SLC16A12: variants seen among roughly 807,000 people sequenced by gnomAD.
SLC16A12 encodes monocarboxylate transporter 12.
In SLC16A12, 17 loss-of-function variants were observed where a neutral mutation model predicts 42.4. That is an observed-to-expected ratio of 0.40 (90% CI 0.27 to 0.60). The LOEUF (loss-of-function observed/expected upper bound fraction) is 0.60, where lower values mean the gene tolerates loss of function less well. Ranked by LOEUF, SLC16A12 falls within the 20% of genes least tolerant of loss-of-function variation. The probability of loss-of-function intolerance (pLI) is 0.42; values close to 1 mark genes in which losing one functional copy is unlikely to be tolerated. For missense variants in SLC16A12, 544 were observed against 623.0 expected (o/e 0.87, Z 1.35); for synonymous variants, 224 against 229.4 (o/e 0.98, Z 0.21).
In SLC16A12 at chr10:89,469,110, A is replaced by G. The variant is rs558132956; in HGVS notation, c.-46-6486T>C. On this transcript the variant is annotated intron_variant, in intron 2 of 7. Coordinates refer to ENST00000371790, the MANE Select transcript of SLC16A12 (RefSeq NM_213606.4). ...CGCCACTGCACCCCAGCCTAAAACT[A>G]TAAGCAAAGGAAGCATTTACCATCT... Among the ~76,000 whole-genome samples the G allele has an allele frequency of 2.0e-5, 3 of 152,250 alleles. No homozygotes were observed. The East Asian group carries it at 5.8e-4, about 29-fold the overall frequency.
intron 2 of SLC16A12, among the ~76,000 whole-genome samples, chr10:89,491,633 G>A (rs1842848950): frequency 6.6e-6 from 1 of 152,114 alleles, no homozygotes; most frequent in Non-Finnish European, 1.5e-5. Flanking sequence ...CCTGCCTGGG[G>A]GAGGAGGTAA....
At chr10:89,508,517 C>T (rs903813934) in intron 2 of SLC16A12, among the ~76,000 whole-genome samples, 3 of 152,174 alleles carry the variant, frequency 2.0e-5, no homozygotes, top group African/African-American at 7.2e-5. Flanking sequence ...TAAAGATGTT[C>T]TTTGAAACCA....
chr10:89,525,836 C>T (rs968174502), intron 2 of SLC16A12, among the ~76,000 whole-genome samples: 4 of 152,174 alleles, frequency 2.6e-5, no homozygotes, highest in Non-Finnish European at 5.9e-5. Flanking sequence ...CAAAACCTAG[C>T]AGTCACTATT....
At chr10:89,433,357 T>G (rs1487254110) in intron 7 of SLC16A12, 31 bp from the exon 8 acceptor site, 1 of 1,610,236 alleles carries the variant, frequency 6.2e-7, no homozygotes. Context: ...ATTTTATTTT[T>G]GAGTTGAAAA....
intron 2 of SLC16A12, among the ~76,000 whole-genome samples, chr10:89,542,318 T>A (rs969235649): frequency 6.6e-6 from 1 of 151,228 alleles, no homozygotes; most frequent in Admixed American, 6.6e-5. Context: ...TTTTTTTTTT[T>A]TTGAGATAGA....
chr10:89,448,536 G>T (rs141257980), intron 3 of SLC16A12, among the ~76,000 whole-genome samples: 1 of 152,080 alleles, frequency 6.6e-6, no homozygotes, highest in Non-Finnish European at 1.5e-5. Context: ...TGTAGAAAAG[G>T]CCTTTGACAA....
In SLC16A12 at chr10:89,472,091, G is replaced by A. The variant is rs1842503666; in HGVS notation, c.-46-9467C>T. ...GTGGCTTACCTATTCATTAATTAGTGGTGTATTTTGAAGAGCAGAAGCCAT... is the reference window on the plus strand; with the variant it reads ...GTGGCTTACCTATTCATTAATTAGTAGTGTATTTTGAAGAGCAGAAGCCAT... On this transcript the variant is annotated intron_variant, in intron 2 of 7. Coordinates refer to ENST00000371790, the MANE Select transcript of SLC16A12 (RefSeq NM_213606.4). Among the ~76,000 whole-genome samples, 5 of 151,982 alleles carry A rather than the reference G, an allele frequency of 3.3e-5. No homozygotes were observed. In the South Asian group the frequency reaches 1.0e-3, roughly 31 times the overall value.
At chr10:89,517,048 C>G (rs1412483118) in intron 2 of SLC16A12, among the ~76,000 whole-genome samples, 3 of 151,994 alleles carry the variant, frequency 2.0e-5, no homozygotes, top group African/African-American at 7.2e-5. Flanking sequence ...CGCAACAAGA[C>G]TCCCATCTCT....
chr10:89,542,966 G>C (rs2133885453), intron 2 of SLC16A12, among the ~76,000 whole-genome samples: 1 of 152,156 alleles, frequency 6.6e-6, no homozygotes, highest in East Asian at 1.9e-4. Flanking sequence ...TCCTACCCCT[G>C]TTCTTTCACC....
intron 2 of SLC16A12, among the ~76,000 whole-genome samples, chr10:89,511,281 G>A (rs549684373): frequency 1.3e-5 from 2 of 152,156 alleles, no homozygotes; most frequent in African/African-American, 2.4e-5. Context: ...ACATGCACAC[G>A]TATGTGTATT....
In SLC16A12 at chr10:89,482,163, C is replaced by G. The variant is rs191202836; in HGVS notation, c.-46-19539G>C. ...TAATGATTTGTGTCTTAAATCCATACTCCTCACTTAGAATAGAGTGTCAAA... is the reference window on the plus strand; with the variant it reads ...TAATGATTTGTGTCTTAAATCCATAGTCCTCACTTAGAATAGAGTGTCAAA... On this transcript the variant is annotated intron_variant, in intron 2 of 7. Transcript: ENST00000371790. Among the ~76,000 whole-genome samples the G allele has an allele frequency of 1.3e-3, 190 of 150,320 alleles. 2 individuals are homozygous for G. The highest frequency in any genetic ancestry group is 7.8e-4 in the Non-Finnish European group (53 of 67,746).
intron 2 of SLC16A12, among the ~76,000 whole-genome samples, chr10:89,518,567 A>T (rs963222066): frequency 6.6e-6 from 1 of 152,210 alleles, no homozygotes; most frequent in Non-Finnish European, 1.5e-5. Flanking sequence ...AGCCTGGATT[A>T]TTTTCGAGGT....
intron 2 of SLC16A12, among the ~76,000 whole-genome samples, chr10:89,531,960 G>A (rs769148339): frequency 1.3e-5 from 2 of 152,150 alleles, no homozygotes; most frequent in Non-Finnish European, 2.9e-5. Flanking sequence ...GAATCGGTAT[G>A]ATAGCTAGCC....
intron 2 of SLC16A12, among the ~76,000 whole-genome samples, chr10:89,522,265 C>T (rs1357173624): frequency 2.0e-5 from 3 of 152,220 alleles, no homozygotes; most frequent in African/African-American, 7.2e-5. Context: ...CTCCAACACC[C>T]TAACTCTTAT....
chr10:89,465,128 G>C (rs1202241466), intron 2 of SLC16A12, among the ~76,000 whole-genome samples: 1 of 152,170 alleles, frequency 6.6e-6, no homozygotes, highest in South Asian at 2.1e-4. Context: ...CATAGGCCAA[G>C]CTGCTAGCAA....
intron 2 of SLC16A12, 171 bp from the exon 3 acceptor site, chr10:89,462,795 TA>T (rs1395896439): frequency 1.8e-5 from 12 of 685,384 alleles, no homozygotes; most frequent in Middle Eastern, 4.2e-4. Flanking sequence ...CTTTCTTTTT[TA>T]AAAATAAAAT....
intron 2 of SLC16A12, among the ~76,000 whole-genome samples, chr10:89,552,023 CT>C (rs1432845407): frequency 6.6e-6 from 1 of 152,218 alleles, no homozygotes; most frequent in East Asian, 1.9e-4. Flanking sequence ...GCAACCTCCA[CT>C]TCCCAGGTTC....
At chr10:89,539,520 T>C (rs562106330), upstream of SLC16A12, among the ~76,000 whole-genome samples, 18 of 152,308 alleles carry the variant, frequency 1.2e-4, no homozygotes, top group Non-Finnish European at 2.1e-4. Context: ...TTAGGGTACA[T>C]CCATTATGAA....
At chr10:89,550,283 G>A (rs1843762762) in intron 2 of SLC16A12, among the ~76,000 whole-genome samples, 1 of 152,116 alleles carries the variant, frequency 6.6e-6, no homozygotes, top group Non-Finnish European at 1.5e-5. Context: ...CACTTTGCGG[G>A]GCCGAGGCAG....
Sources: allele counts gnomAD v4.1 joint callset (sites outside exome capture counted in the v4.1 genomes callset), GRCh38; gene constraint gnomAD v4.1.1; transcripts MANE v1.5; gene names NCBI Gene and HGNC (gene_info 2026-07-23, HGNC 2026-07-21).